RXRA: variants seen among roughly 807,000 people sequenced by gnomAD.
RXRA encodes retinoid X receptor alpha, also known as retinoic acid receptor RXR-alpha.
A neutral mutation model predicts 44.5 loss-of-function variants in RXRA; 5 were observed. The observed-to-expected ratio is 0.11, with a 90% CI of 0.06 to 0.24. RXRA has a LOEUF of 0.24. Among genes scored for constraint, RXRA ranks in the 10% least tolerant of loss-of-function variants. The pLI is 1.00. For synonymous variants in RXRA, 291 were observed against 271.4 expected (o/e 1.07, Z -0.71); for missense variants, 412 against 646.5 (o/e 0.64, Z 3.93).
At chr9:134,406,933 C>T (rs1317667896) in intron 2 of RXRA, among the ~76,000 whole-genome samples, 2 of 152,258 alleles carry the variant, frequency 1.3e-5, no homozygotes, top group African/African-American at 4.8e-5. Context: ...TGGACATGAA[C>T]ACTGGGCATT....
chr9:134,338,308 G>C (rs1830037337), intron 1 of RXRA, among the ~76,000 whole-genome samples: 1 of 152,236 alleles, frequency 6.6e-6, no homozygotes, highest in African/African-American at 2.4e-5. Context: ...TGGCTGCCGT[G>C]GGACATGGTT....
chr9:134,336,067 C>G (rs1830000078), intron 1 of RXRA, among the ~76,000 whole-genome samples: 1 of 152,170 alleles, frequency 6.6e-6, no homozygotes, highest in Non-Finnish European at 1.5e-5. Context: ...CATGGACTTT[C>G]TGCCCAGGAT....
intron 1 of RXRA, among the ~76,000 whole-genome samples, chr9:134,355,512 C>G (rs1412912106): frequency 7.7e-6 from 1 of 130,684 alleles, no homozygotes; most frequent in Non-Finnish European, 1.6e-5. Flanking sequence ...TTTTCCTTGC[C>G]TGGGCTTCAC....
chr9:134,401,722 G>A lies in RXRA; in HGVS notation c.119G>A (p.Gly40Asp). 1 of 1,613,170 alleles carries A rather than the reference G, an allele frequency of 6.2e-7. No individual in the cohort carries two copies. ...APSLHPSLGPGIGSPGQLHSP... is the reference protein window; with the variant it reads ...APSLHPSLGPDIGSPGQLHSP... ...TCGCTGCACCCGTCCCTGGGGCCTG[G>A]CATCGGCTCCCCGGGACAGCTGCAT... Residue 40 changes from glycine to aspartate, a missense_variant, in exon 2 of 10, where the codon GGC becomes GAC. Physicochemically the swap from Gly to Asp is moderately conservative, Grantham distance 94 (BLOSUM62 -1). Transcript: ENST00000481739.
At chr9:134,358,323 G>A (rs1830308932) in intron 1 of RXRA, among the ~76,000 whole-genome samples, 1 of 152,256 alleles carries the variant, frequency 6.6e-6, no homozygotes, top group African/African-American at 2.4e-5. Context: ...AGGCAGGCAG[G>A]CAGGCAGGAG....
chr9:134,370,561 T>G (rs1830479066), intron 1 of RXRA, among the ~76,000 whole-genome samples: 1 of 152,238 alleles, frequency 6.6e-6, no homozygotes, highest in Non-Finnish European at 1.5e-5. Flanking sequence ...TGGGATTCTG[T>G]AGCTCTGTTG....
intron 1 of RXRA, chr9:134,379,864 C>T (rs1307001609): frequency 1.0e-6 from 1 of 985,234 alleles, no homozygotes; most frequent in East Asian, 1.1e-4. Context: ...TGGGATCTGG[C>T]CTTGGCGGCT....
intron 3 of RXRA, 140 bp from the exon 4 acceptor site, chr9:134,408,800 A>G (rs1382433432): frequency 3.9e-6 from 3 of 771,686 alleles, no homozygotes; most frequent in Non-Finnish European, 6.1e-6. Context: ...GCCCAGTCTG[A>G]GCCCAGGCAG....
intron 6 of RXRA, chr9:134,423,941 T>TCCCAGATGGTTGTGCGCTGGGGGC (rs1831389765): frequency 1.0e-6 from 1 of 985,190 alleles, no homozygotes; most frequent in African/African-American, 1.7e-5. Flanking sequence ...TTCCTGGGGA[T>TCCCAGATGGTTGTGCGCTGGGGGC]CCCAGATGGT....
At chr9:134,364,398 G>A (rs775666209) in intron 1 of RXRA, among the ~76,000 whole-genome samples, 25 of 152,220 alleles carry the variant, frequency 1.6e-4, no homozygotes, top group Non-Finnish European at 3.5e-4. Flanking sequence ...CTCAGATGCC[G>A]ACTCCAGGAA....
intron 1 of RXRA, among the ~76,000 whole-genome samples, chr9:134,388,011 C>T (rs374801875): frequency 9.9e-4 from 151 of 152,210 alleles, no homozygotes; most frequent in African/African-American, 3.2e-3. Flanking sequence ...GGGCAGGAAG[C>T]GCTTATAGGG....
In RXRA at chr9:134,417,270, C is replaced by T. The variant is rs374685246; in HGVS notation, c.723C>T (p.Ala241=). The change falls in exon 5 of 10, where the codon GCC becomes GCT. Residue 241 remains alanine, a synonymous_variant. Transcript: ENST00000481739. This position sits in a 1 kb window ranked among gnomAD's most constrained non-coding sequence, Gnocchi z 6.1. Reference sequence around the variant, plus strand: ...AGAGGATCCTGGAGGCTGAGCTGGCCGTGGAGCCCAAGACCGAGACCTACG... The same window carrying T: ...AGAGGATCCTGGAGGCTGAGCTGGCTGTGGAGCCCAAGACCGAGACCTACG... ...PVERILEAEL[A]VEPKTETYVE... 1.2e-5 allele frequency: 19 copies of T among 1,613,752 alleles called. No individual in the cohort carries two copies. Among genetic ancestry groups the T allele is most frequent in the East Asian group, 4.5e-5 (2 of 44,892 alleles).
At chr9:134,428,998 C>A in intron 6 of RXRA, 110 bp from the exon 7 acceptor site, 1 of 1,360,748 alleles carries the variant, frequency 7.3e-7, no homozygotes, top group Non-Finnish European at 1.0e-6. Context: ...CAGAGCCTGT[C>A]AGGATGGGTC....
At chr9:134,375,737 C>T (rs1026640001) in intron 1 of RXRA, among the ~76,000 whole-genome samples, 5 of 151,668 alleles carry the variant, frequency 3.3e-5, no homozygotes, top group South Asian at 2.1e-4. Flanking sequence ...GGGGTGAGGG[C>T]GATTTGGAAG....
chr9:134,424,922 C>T, intron 6 of RXRA: 1 of 985,482 alleles, frequency 1.0e-6, no homozygotes, highest in Non-Finnish European at 1.2e-6. Flanking sequence ...GCCAGGGCCA[C>T]TGAGTGCTCC....
chr9:134,425,546 TGGGGGGTGGG>T, intron 6 of RXRA: 1 of 179,192 alleles, frequency 5.6e-6, no homozygotes, highest in Non-Finnish European at 6.4e-6. Context: ...GGCGGCAGGG[TGGGGGGTGGG>T]GGGGGGTGAG....
intron 1 of RXRA, among the ~76,000 whole-genome samples, chr9:134,383,885 G>A (rs1830681457): frequency 6.6e-6 from 1 of 152,156 alleles, no homozygotes; most frequent in Non-Finnish European, 1.5e-5. Flanking sequence ...TCAGAGGAGG[G>A]AACAAGGGAT....
chr9:134,432,822 G>C (rs1423916569), intron 8 of RXRA, among the ~76,000 whole-genome samples: 1 of 152,228 alleles, frequency 6.6e-6, no homozygotes, highest in Non-Finnish European at 1.5e-5. Context: ...ACGGAGGTGG[G>C]GTGGGCTGGT....
chr9:134,339,691 CT>C (rs1564260372), intron 1 of RXRA, among the ~76,000 whole-genome samples: 1 of 101,468 alleles, frequency 9.9e-6, no homozygotes, highest in African/African-American at 3.9e-5. Flanking sequence ...GTGTGTGTGT[CT>C]CTGTGTGTGT....
Sources: gnomAD v4.1 joint callset for allele counts (sites outside exome capture counted in the v4.1 genomes callset) on GRCh38, gnomAD v4.1.1 for gene constraint, Gnocchi (gnomAD v3.1) non-coding constraint, MANE v1.5 for transcripts, NCBI Gene and HGNC (gene_info 2026-07-23, HGNC 2026-07-21) for gene names.